The following INO80 variants were observed in gnomAD, a reference collection of about 807,000 sequenced individuals.
The protein encoded by INO80 is chromatin-remodeling ATPase INO80.
INO80 carries 20 observed loss-of-function variants against 203.4 expected under a neutral mutation model. That is an observed-to-expected ratio of 0.10 (90% CI 0.07 to 0.14). The LOEUF is 0.14. Ranked by LOEUF, INO80 falls within the 10% of genes least tolerant of loss-of-function variation. The pLI is 1.00. For missense variants in INO80, 1,419 were observed against 1,914.4 expected (o/e 0.74, Z 4.83); for synonymous variants, 726 against 685.2 (o/e 1.06, Z -0.93).
At chr15:41,051,548 C>T (rs1271389462) in intron 19 of INO80, among the ~76,000 whole-genome samples, 1 of 151,596 alleles carries the variant, frequency 6.6e-6, no homozygotes, top group Admixed American at 6.6e-5. Flanking sequence ...CACTGACTCA[C>T]ACCTGCAATC....
intron 1 of INO80, among the ~76,000 whole-genome samples, chr15:41,113,432 A>T (rs988893502): frequency 6.6e-6 from 1 of 151,614 alleles, no homozygotes; most frequent in Non-Finnish European, 1.5e-5. Flanking sequence ...ACGCCCAGCT[A>T]ATTTTTTGTA....
chr15:41,019,071 C>G (rs1218428789), intron 26 of INO80, among the ~76,000 whole-genome samples: 1 of 152,104 alleles, frequency 6.6e-6, no homozygotes, highest in South Asian at 2.1e-4. Flanking sequence ...AAGAATGTAG[C>G]CTATGGCAGT....
At chr15:41,068,105 A>C (rs2045251657) in intron 14 of INO80, among the ~76,000 whole-genome samples, 1 of 152,216 alleles carries the variant, frequency 6.6e-6, no homozygotes, top group Non-Finnish European at 1.5e-5. Flanking sequence ...GACTAAGACT[A>C]GAGATCAGAC....
chr15:41,114,179 A>G (rs1596336991), intron 1 of INO80, among the ~76,000 whole-genome samples: 2 of 151,732 alleles, frequency 1.3e-5, no homozygotes, highest in Non-Finnish European at 2.9e-5. Flanking sequence ...AGGCAGGAGA[A>G]TTGCTTGAAC....
chr15:41,095,846 G>A lies in INO80; in HGVS notation c.226C>T (p.Pro76Ser), dbSNP rs377652711. ...GTTTCACCAAGCAATGAATTTGGAG[G>A]TTCTTCCTTAACTTGTATTAAGGGA... Reference protein sequence around the residue: ...GDPLIQVKEEPPNSLLGETSG... With the variant: ...GDPLIQVKEESPNSLLGETSG... The change falls in exon 3 of 36, where the codon CCT becomes TCT. Residue 76 changes from proline (P) to serine (S), a missense_variant. Physicochemically the swap from Pro to Ser is moderately conservative, Grantham distance 74. Coordinates refer to ENST00000648947, the MANE Select transcript of INO80 (RefSeq NM_017553.3). 1 of 1,613,978 alleles carries A rather than the reference G, an allele frequency of 6.2e-7. No individual in the cohort carries two copies. The highest frequency in any genetic ancestry group is 1.1e-5 in the South Asian group (1 of 91,078).
intron 29 of INO80, among the ~76,000 whole-genome samples, chr15:40,995,966 A>G (rs1368528879): frequency 1.3e-5 from 2 of 152,190 alleles, no homozygotes; most frequent in Non-Finnish European, 2.9e-5. Flanking sequence ...TACCTGGTTA[A>G]CTGAAAGTTT....
At chr15:41,037,789 A>G (rs900988623) in intron 24 of INO80, among the ~76,000 whole-genome samples, 1 of 151,612 alleles carries the variant, frequency 6.6e-6, no homozygotes, top group South Asian at 2.1e-4. Context: ...CTAAAAATAC[A>G]AAAATTAGCT....
At chr15:41,087,739 C>A in intron 5 of INO80, 57 bp from the exon 6 acceptor site, 3 of 1,547,934 alleles carry the variant, frequency 1.9e-6, no homozygotes, top group Non-Finnish European at 1.7e-6. Flanking sequence ...TTTCAAATTA[C>A]CTTTACTACA....
At chr15:41,023,100 CAAAAA>C (rs5812181) in intron 25 of INO80, 100 of 301,756 alleles carry the variant, frequency 3.3e-4, no homozygotes, top group East Asian at 1.3e-3. Context: ...CAGACTGTCT[CAAAAA>C]AAAAAAAAAA....
chr15:41,090,729 A>G (rs1310648000), intron 5 of INO80, among the ~76,000 whole-genome samples: 1 of 152,084 alleles, frequency 6.6e-6, no homozygotes, highest in African/African-American at 2.4e-5. Context: ...AACTATGAAT[A>G]TATTAAAAAA....
At chr15:40,983,952 C>G (rs1259879317) in intron 33 of INO80, 31 bp from the exon 34 acceptor site, 2 of 1,606,502 alleles carry the variant, frequency 1.2e-6, no homozygotes, top group African/African-American at 1.3e-5. Context: ...ATCATTACGA[C>G]CCCCTGTGCT....
At chr15:40,989,563 C>G (rs1309354551) in intron 29 of INO80, among the ~76,000 whole-genome samples, 1 of 152,220 alleles carries the variant, frequency 6.6e-6, no homozygotes, top group Non-Finnish European at 1.5e-5. Context: ...AGACCAGGCC[C>G]TCACAACCTA....
chr15:40,990,578 T>C (rs1376610448), intron 29 of INO80, among the ~76,000 whole-genome samples: 1 of 152,186 alleles, frequency 6.6e-6, no homozygotes, highest in Non-Finnish European at 1.5e-5. Flanking sequence ...GGAAGAACAA[T>C]GTAAACTGCT....
rs1399322028 is a variant in INO80 at position 41,085,404 on chromosome 15, C to T, written c.838G>A (p.Val280Ile). ...IEQLNARRRK[V>I]WLSIVKKELP... ...TCCTTTTTCACAATGCTGAGCCATACTTTCCTGCGACGAGCATTCAGCTGC... is the reference window on the plus strand; with the variant it reads ...TCCTTTTTCACAATGCTGAGCCATATTTTCCTGCGACGAGCATTCAGCTGC... The change falls in exon 7 of 36, where the codon GTA (valine) becomes ATA (isoleucine). Residue 280 changes from valine to isoleucine, a missense_variant. This residue lies in a region of INO80 where 323 missense variants were observed against 325.4 expected (regional missense o/e 0.99). Transcript: ENST00000648947. The T allele has an allele frequency of 6.2e-7, 1 of 1,614,178 alleles. No individual in the cohort carries two copies. The highest frequency in any genetic ancestry group is 8.5e-7 in the Non-Finnish European group (1 of 1,180,036).
At chr15:41,099,510 A>G (rs1490394511) in intron 1 of INO80, among the ~76,000 whole-genome samples, 1 of 152,108 alleles carries the variant, frequency 6.6e-6, no homozygotes, top group African/African-American at 2.4e-5. Flanking sequence ...GGCCAGGAGC[A>G]GTGGCTGAAG....
chr15:41,023,646 G>A (rs903191294), intron 25 of INO80, among the ~76,000 whole-genome samples: 1 of 151,314 alleles, frequency 6.6e-6, no homozygotes, highest in African/African-American at 2.4e-5. Context: ...GTGCCTGCCT[G>A]TAATCTCTGC....
chr15:40,982,442 C>G (rs1229604074), intron 35 of INO80, among the ~76,000 whole-genome samples: 1 of 152,186 alleles, frequency 6.6e-6, no homozygotes, highest in Admixed American at 6.5e-5. Flanking sequence ...AGCCACTGTG[C>G]CTGGCCCATG....
At position 41,114,692 on chromosome 15, in the gene INO80, G is replaced by A. The variant is rs1399788055; in HGVS notation, c.-44+1281C>T. 2.0e-5 allele frequency among the ~76,000 whole-genome samples: 3 copies of A among 147,534 alleles called. No individual in the cohort carries two copies. In the East Asian group the frequency reaches 5.9e-4, roughly 29 times the overall value. On this transcript the variant is annotated intron_variant, in intron 1 of 35. Coordinates refer to ENST00000648947, the MANE Select transcript of INO80 (RefSeq NM_017553.3). ...CCACTGCACTCCAGCCTGGACGACA[G>A]AGCGAGACTCAGTCTCAAAAAAAAA... is the stretch of plus-strand genomic sequence containing the variant.
intron 14 of INO80, among the ~76,000 whole-genome samples, chr15:41,063,868 T>A (rs1055871144): frequency 6.6e-6 from 1 of 152,064 alleles, no homozygotes; most frequent in African/African-American, 2.4e-5. Flanking sequence ...CATTCTGTAT[T>A]CAGAAAAAAA....
Sources: gnomAD v4.1 joint callset for allele counts (sites outside exome capture counted in the v4.1 genomes callset) on GRCh38, gnomAD v4.1.1 for gene constraint, gnomAD v4.1.1 regional missense constraint, MANE v1.5 for transcripts, NCBI Gene and HGNC (gene_info 2026-07-23, HGNC 2026-07-21) for gene names.